SSBP2: variants seen among roughly 807,000 people sequenced by gnomAD.
The protein encoded by SSBP2 is single-stranded DNA-binding protein 2.
Under a neutral mutation model 61.8 loss-of-function variants are expected in SSBP2, and 17 were observed. The observed-to-expected ratio is 0.28, with a 90% CI of 0.19 to 0.41. The LOEUF is 0.41. SSBP2 is among the 10% of genes least tolerant of loss of function. The pLI, the probability that SSBP2 is intolerant of heterozygous loss-of-function variation, is 1.00. For missense variants in SSBP2, 310 were observed against 458.7 expected (o/e 0.68, Z 2.96); for synonymous variants, 139 against 141.3 (o/e 0.98, Z 0.12).
At chr5:81,643,190 G>A (rs370790177) in intron 2 of SSBP2, among the ~76,000 whole-genome samples, 1 of 152,106 alleles carries the variant, frequency 6.6e-6, no homozygotes, top group East Asian at 1.9e-4. Context: ...TCTGGATGCC[G>A]GCAGTACCTT....
intron 4 of SSBP2, among the ~76,000 whole-genome samples, chr5:81,554,325 T>TAA (rs1772431630): frequency 6.6e-6 from 1 of 152,044 alleles, no homozygotes; most frequent in South Asian, 2.1e-4. Flanking sequence ...TAAATATGCC[T>TAA]ATTACTGACA....
intron 2 of SSBP2, among the ~76,000 whole-genome samples, chr5:81,646,271 A>T (rs1486297634): frequency 2.6e-5 from 4 of 152,162 alleles, no homozygotes; most frequent in Non-Finnish European, 4.4e-5. Context: ...AATTTGGAAG[A>T]AGTGGTCTAC....
chr5:81,635,134 T>C (rs776974651), intron 3 of SSBP2, among the ~76,000 whole-genome samples: 3 of 152,066 alleles, frequency 2.0e-5, no homozygotes, highest in Middle Eastern at 3.4e-3. Context: ...TCAAAGCCTA[T>C]GAATAAATGA....
intron 4 of SSBP2, among the ~76,000 whole-genome samples, chr5:81,580,260 T>G (rs1774543331): frequency 6.6e-6 from 1 of 152,048 alleles, no homozygotes; most frequent in African/African-American, 2.4e-5. Context: ...CTTTCAGAGA[T>G]ATCAATCTAA....
chr5:81,534,428 C>A (rs1484569564), intron 4 of SSBP2, among the ~76,000 whole-genome samples: 1 of 152,020 alleles, frequency 6.6e-6, no homozygotes, highest in African/African-American at 2.4e-5. Flanking sequence ...GAATTTAAAA[C>A]AACTATGATT....
chr5:81,678,774 G>GA (rs1349380495), intron 1 of SSBP2, among the ~76,000 whole-genome samples: 21 of 151,516 alleles, frequency 1.4e-4, no homozygotes, highest in Admixed American at 2.6e-4. Context: ...GAGTTGAGAG[G>GA]AAAAAAAATA....
At chr5:81,483,634 G>A (rs534668424) in intron 6 of SSBP2, among the ~76,000 whole-genome samples, 3 of 151,998 alleles carry the variant, frequency 2.0e-5, no homozygotes, top group South Asian at 2.1e-4. Flanking sequence ...GATGCCAGAC[G>A]CATTTAGGTG....
At chr5:81,707,962 G>T (rs993591728) in intron 1 of SSBP2, among the ~76,000 whole-genome samples, 4 of 152,114 alleles carry the variant, frequency 2.6e-5, no homozygotes, top group Non-Finnish European at 5.9e-5. Context: ...GTACAGAAAA[G>T]ATATAAGTGA....
chr5:81,604,758 C>T (rs889612310), intron 4 of SSBP2, among the ~76,000 whole-genome samples: 1 of 152,102 alleles, frequency 6.6e-6, no homozygotes, highest in East Asian at 1.9e-4. Flanking sequence ...AAGGCTACCA[C>T]GATGTCACTT....
intron 1 of SSBP2, among the ~76,000 whole-genome samples, chr5:81,679,890 A>T (rs544163465): frequency 2.0e-5 from 3 of 151,976 alleles, no homozygotes; most frequent in African/African-American, 7.2e-5. Flanking sequence ...AGTAAAAAAG[A>T]TTGCCCTCAC....
At chr5:81,638,269 A>G (rs933552631) in intron 2 of SSBP2, among the ~76,000 whole-genome samples, 1 of 152,116 alleles carries the variant, frequency 6.6e-6, no homozygotes, top group Non-Finnish European at 1.5e-5. Flanking sequence ...TAAATTTGAA[A>G]AAAAAGGATC....
At chr5:81,739,825 T>C (rs556241932) in intron 1 of SSBP2, among the ~76,000 whole-genome samples, 1 of 152,300 alleles carries the variant, frequency 6.6e-6, no homozygotes, top group East Asian at 1.9e-4. Context: ...TATATACAAT[T>C]ATTATTCTGT....
At chr5:81,478,286 G>A (rs1323495824) in intron 6 of SSBP2, among the ~76,000 whole-genome samples, 1 of 151,824 alleles carries the variant, frequency 6.6e-6, no homozygotes. Flanking sequence ...GCAGCCTCCC[G>A]AGCAGCTGGG....
At chr5:81,555,189 A>G (rs1462549423) in intron 4 of SSBP2, among the ~76,000 whole-genome samples, 3 of 152,124 alleles carry the variant, frequency 2.0e-5, no homozygotes, top group Non-Finnish European at 4.4e-5. Context: ...TATTTATAGC[A>G]AAATAAATTT....
intron 1 of SSBP2, among the ~76,000 whole-genome samples, chr5:81,715,032 A>C (rs546245817): frequency 8.6e-4 from 131 of 152,176 alleles, no homozygotes; most frequent in Non-Finnish European, 1.4e-3. Context: ...GAAAACCAAA[A>C]TAGAAAGATG....
At chr5:81,672,566 ACT>A (rs1561677500) in intron 1 of SSBP2, among the ~76,000 whole-genome samples, 1 of 151,546 alleles carries the variant, frequency 6.6e-6, no homozygotes, top group Non-Finnish European at 1.5e-5. Context: ...ATCTCCAGAT[ACT>A]TTTTCTTTTT....
chr5:81,693,693 G>A (rs1385586441), intron 1 of SSBP2, among the ~76,000 whole-genome samples: 1 of 152,202 alleles, frequency 6.6e-6, no homozygotes. Context: ...TGCTGGAGAG[G>A]ATGTGGAGAA....
intron 4 of SSBP2, among the ~76,000 whole-genome samples, chr5:81,545,075 C>T (rs1039720650): frequency 2.0e-5 from 3 of 152,220 alleles, no homozygotes; most frequent in African/African-American, 7.2e-5. Context: ...CTCCTCTACA[C>T]TTTAGGGTGG....
chr5:81,524,081 A>T (rs548745869), intron 4 of SSBP2, among the ~76,000 whole-genome samples: 1 of 152,126 alleles, frequency 6.6e-6, no homozygotes, highest in Non-Finnish European at 1.5e-5. Flanking sequence ...TCTTACTAAC[A>T]CCTAGTAAGA....
Sources: gnomAD v4.1 joint callset for allele counts (sites outside exome capture counted in the v4.1 genomes callset) on GRCh38, gnomAD v4.1.1 for gene constraint, MANE v1.5 for transcripts, NCBI Gene and HGNC (gene_info 2026-07-23, HGNC 2026-07-21) for gene names.